FHOD3: variants seen among roughly 807,000 people sequenced by gnomAD.
The protein encoded by FHOD3 is FH1/FH2 domain-containing protein 3.
FHOD3 carries 90 observed loss-of-function variants against 173.0 expected under a neutral mutation model. That is an observed-to-expected ratio of 0.52 (90% CI 0.44 to 0.62). FHOD3 has a LOEUF of 0.62. FHOD3 is among the 20% of genes least tolerant of loss of function. The pLI is 0.00. For synonymous variants in FHOD3, 828 were observed against 823.0 expected (o/e 1.01, Z -0.10); for missense variants, 1,945 against 2,034.7 (o/e 0.96, Z 0.85).
intron 14 of FHOD3, among the ~76,000 whole-genome samples, chr18:36,678,550 AAG>A: frequency 8.0e-5 from 9 of 112,546 alleles, no homozygotes; most frequent in African/African-American, 2.1e-4. Context: ...AAAAAAAAAG[AAG>A]AAAGAAAGAA....
chr18:36,732,668 T>C (rs979759554), intron 20 of FHOD3, among the ~76,000 whole-genome samples: 1 of 151,280 alleles, frequency 6.6e-6, no homozygotes, highest in African/African-American at 2.4e-5. Context: ...CATGAAGGAG[T>C]GAGTGGGCGA....
chr18:36,359,470 G>A (rs1326653636), intron 2 of FHOD3, among the ~76,000 whole-genome samples: 2 of 152,200 alleles, frequency 1.3e-5, no homozygotes, highest in African/African-American at 4.8e-5. Context: ...ACCTGGTGCA[G>A]CAGACAGAGA....
At chr18:36,639,712 A>G (rs1352947405) in intron 10 of FHOD3, among the ~76,000 whole-genome samples, 24 of 150,956 alleles carry the variant, frequency 1.6e-4, no homozygotes, top group Admixed American at 1.5e-3. Context: ...AGTCCCAGCT[A>G]CTCGGGAGGC....
chr18:36,382,772 C>G (rs1015813287), intron 3 of FHOD3, among the ~76,000 whole-genome samples: 1 of 145,644 alleles, frequency 6.9e-6, no homozygotes, highest in Non-Finnish European at 1.5e-5. Context: ...CGAGACGGGT[C>G]CTGTCTAGGA....
intron 3 of FHOD3, among the ~76,000 whole-genome samples, chr18:36,407,782 T>A (rs1393900708): frequency 6.6e-6 from 1 of 152,214 alleles, no homozygotes. Flanking sequence ...GTTCTGTCAG[T>A]CAGTGGTTGG....
intron 5 of FHOD3, among the ~76,000 whole-genome samples, chr18:36,531,308 A>G (rs1221336106): frequency 6.6e-6 from 1 of 152,106 alleles, no homozygotes; most frequent in Non-Finnish European, 1.5e-5. Flanking sequence ...CAGTGCCTGC[A>G]ACCCACCCCT....
At chr18:36,611,138 C>T (rs181212862) in intron 8 of FHOD3, among the ~76,000 whole-genome samples, 5 of 152,174 alleles carry the variant, frequency 3.3e-5, no homozygotes, top group Non-Finnish European at 4.4e-5. Context: ...TCATAGACCA[C>T]GGGGAGGCCC....
At chr18:36,371,534 G>A (rs972282272) in intron 2 of FHOD3, among the ~76,000 whole-genome samples, 1 of 152,128 alleles carries the variant, frequency 6.6e-6, no homozygotes, top group African/African-American at 2.4e-5. Context: ...CATGACTTTT[G>A]GGGATTATGG....
At chr18:36,659,167 G>A (rs12971012) in intron 14 of FHOD3, among the ~76,000 whole-genome samples, 24,125 of 152,128 alleles carry the variant, frequency 0.16, 2,457 homozygotes, top group South Asian at 0.21. Context: ...GGTTTGGTTG[G>A]GTTGAGAGCA....
Position 36,645,163 on chromosome 18 carries a change from C to T in FHOD3, c.1197-4153C>T, listed in dbSNP as rs146762609. On this transcript the variant is annotated intron_variant, in intron 10 of 28. Transcript: ENST00000590592. Reference sequence around the variant, plus strand: ...CCAAGCTCAGAAGGATGGCTGAGTCCGGGCATGGTGGCTTTGGGAGGCTGA... The same window carrying T: ...CCAAGCTCAGAAGGATGGCTGAGTCTGGGCATGGTGGCTTTGGGAGGCTGA... 1.9e-3 allele frequency among the ~76,000 whole-genome samples: 171 copies of T among 90,014 alleles called. 3 individuals carry two copies. In the East Asian group the frequency reaches 0.05, roughly 26 times the overall value. 59.1% of individuals were successfully genotyped at this position (90,014 alleles called of 152,430 possible).
At chr18:36,477,665 A>G (rs1388488833) in intron 3 of FHOD3, among the ~76,000 whole-genome samples, 1 of 152,098 alleles carries the variant, frequency 6.6e-6, no homozygotes, top group Non-Finnish European at 1.5e-5. Context: ...ATGGAATAAT[A>G]AAAGGAATGT....
chr18:36,687,072 GTATC>G (rs2038667880), intron 15 of FHOD3, 52 bp from the exon 16 acceptor site: 1 of 1,286,720 alleles, frequency 7.8e-7, no homozygotes, highest in Non-Finnish European at 1.1e-6. Flanking sequence ...AATTTTCTGA[GTATC>G]TAATTCTGTT....
intron 5 of FHOD3, among the ~76,000 whole-genome samples, chr18:36,572,762 C>T (rs1462632110): frequency 6.6e-6 from 1 of 152,138 alleles, no homozygotes; most frequent in African/African-American, 2.4e-5. Context: ...GCTTCTCAGC[C>T]TTGTGGAGAG....
At chr18:36,481,510 AC>A (rs1034494545) in intron 3 of FHOD3, among the ~76,000 whole-genome samples, 11 of 146,314 alleles carry the variant, frequency 7.5e-5, no homozygotes, top group Non-Finnish European at 1.5e-4. Context: ...TTCTCTTTTC[AC>A]CCCCTCCCCA....
At chr18:36,396,458 A>C (rs2048559730) in intron 3 of FHOD3, among the ~76,000 whole-genome samples, 1 of 152,092 alleles carries the variant, frequency 6.6e-6, no homozygotes, top group Non-Finnish European at 1.5e-5. Context: ...GTCCCCCTTT[A>C]ACTTTCTGCA....
chr18:36,362,702 A>G (rs2046692487), intron 2 of FHOD3, among the ~76,000 whole-genome samples: 1 of 152,214 alleles, frequency 6.6e-6, no homozygotes, highest in South Asian at 2.1e-4. Context: ...CCCAGGTGGC[A>G]GCACCCAGAT....
At chr18:36,526,157 G>A (rs530185423) in intron 5 of FHOD3, among the ~76,000 whole-genome samples, 1 of 152,216 alleles carries the variant, frequency 6.6e-6, no homozygotes, top group South Asian at 2.1e-4. Flanking sequence ...CCAAGGGCTC[G>A]GCCAAGGCCC....
intron 4 of FHOD3, 87 bp downstream of exon 4, chr18:36,502,086 AAAGG>A (rs1359758433): frequency 1.4e-5 from 11 of 774,708 alleles, no homozygotes; most frequent in Non-Finnish European, 2.0e-5. Flanking sequence ...CTTGTTATGA[AAAGG>A]AAGGACAAAT....
At chr18:36,337,634 T>G (rs1250172487) in intron 1 of FHOD3, among the ~76,000 whole-genome samples, 1 of 152,162 alleles carries the variant, frequency 6.6e-6, no homozygotes, top group East Asian at 1.9e-4. Flanking sequence ...ATGCTTGTGT[T>G]TTTTTCTTTC....
Sources: gnomAD v4.1 joint callset for allele counts (sites outside exome capture counted in the v4.1 genomes callset) on GRCh38, gnomAD v4.1.1 for gene constraint, MANE v1.5 for transcripts, NCBI Gene and HGNC (gene_info 2026-07-23, HGNC 2026-07-21) for gene names.